The following NOS1AP variants were observed in gnomAD, a reference collection of about 807,000 sequenced individuals.
The protein encoded by NOS1AP is nitric oxide synthase 1 adaptor protein.
A neutral mutation model predicts 56.2 loss-of-function variants in NOS1AP; 21 were observed. That is an observed-to-expected ratio of 0.37 (90% CI 0.26 to 0.54). The LOEUF is 0.54. Among genes scored for constraint, NOS1AP ranks in the 20% least tolerant of loss-of-function variants. The pLI, the probability that NOS1AP is intolerant of heterozygous loss-of-function variation, is 0.84. For missense variants in NOS1AP, 522 were observed against 657.8 expected (o/e 0.79, Z 2.26); for synonymous variants, 270 against 274.6 (o/e 0.98, Z 0.17).
At chr1:162,352,195 G>A (rs562276047) in intron 6 of NOS1AP, among the ~76,000 whole-genome samples, 1 of 152,112 alleles carries the variant, frequency 6.6e-6, no homozygotes, top group East Asian at 1.9e-4. Flanking sequence ...AAGCAGCTGG[G>A]ATTACAGGCA....
chr1:162,172,956 C>A lies in NOS1AP; in HGVS notation c.177+18480C>A, dbSNP rs1041332028. ...TTTTTTTTTGTGATGGGGTCTCAGT[C>A]TGTCACCCAGGCTGGAGTGTAGTGG... On this transcript the variant is annotated intron_variant, in intron 2 of 9. Coordinates refer to ENST00000361897, the MANE Select transcript of NOS1AP (RefSeq NM_014697.3). 7.3e-5 allele frequency among the ~76,000 whole-genome samples: 11 copies of A among 150,840 alleles called. 1 individual carries two copies. The highest frequency in any genetic ancestry group is 2.7e-4 in the African/African-American group (11 of 41,052).
intron 1 of NOS1AP, among the ~76,000 whole-genome samples, chr1:162,102,739 T>C (rs1475635927): frequency 2.0e-5 from 3 of 152,174 alleles, no homozygotes; most frequent in Non-Finnish European, 4.4e-5. Flanking sequence ...GTTTATAGTA[T>C]TCTCTGATGG....
intron 8 of NOS1AP, among the ~76,000 whole-genome samples, chr1:162,359,169 C>G (rs1235697812): frequency 6.6e-6 from 1 of 152,158 alleles, no homozygotes; most frequent in East Asian, 1.9e-4. Context: ...ACAGGCTGAG[C>G]ACCCTTAGCC....
rs1658064032 is a variant in NOS1AP, at chr1:162,365,680, T to C, written c.1105+111T>C. ...CTTGGACCCCTGACCTACCCCTATATTCCAGCAGAAAACATAGGCAGCTTT... is the reference window on the plus strand; with the variant it reads ...CTTGGACCCCTGACCTACCCCTATACTCCAGCAGAAAACATAGGCAGCTTT... On this transcript the variant is annotated intron_variant, in intron 9 of 9. Coordinates refer to ENST00000361897, the MANE Select transcript of NOS1AP (RefSeq NM_014697.3). 3 of 1,328,826 alleles carry C rather than the reference T, an allele frequency of 2.3e-6. No homozygotes were observed. The East Asian group carries it at 7.3e-5, about 32-fold the overall frequency. 82.3% of individuals were successfully genotyped at this position (1,328,826 alleles called of 1,614,324 possible).
At chr1:162,243,705 T>C (rs10399680) in intron 2 of NOS1AP, among the ~76,000 whole-genome samples, 48,322 of 152,050 alleles carry the variant, frequency 0.32, 8,003 homozygotes, top group East Asian at 0.52. Context: ...CTTCCTTAAT[T>C]AATGTTTCTA....
chr1:162,155,289 C>T (rs60123461), intron 2 of NOS1AP, among the ~76,000 whole-genome samples: 140,055 of 141,990 alleles, frequency 0.99, 69,098 homozygotes, highest in Non-Finnish European at 1. Context: ...CACATATATA[C>T]ATATATATGT....
intron 2 of NOS1AP, among the ~76,000 whole-genome samples, chr1:162,159,493 T>C (rs1021717858): frequency 2.0e-5 from 3 of 152,210 alleles, no homozygotes; most frequent in African/African-American, 7.2e-5. Flanking sequence ...TAAATGCAGA[T>C]AAATACCCTG....
intron 2 of NOS1AP, among the ~76,000 whole-genome samples, chr1:162,191,963 T>G (rs1251545705): frequency 6.6e-6 from 1 of 152,150 alleles, no homozygotes; most frequent in East Asian, 1.9e-4. Context: ...GGAGTGGTTG[T>G]CCCCTGGAAG....
intron 1 of NOS1AP, among the ~76,000 whole-genome samples, chr1:162,106,072 G>A (rs1571014999): frequency 6.6e-6 from 1 of 152,292 alleles, no homozygotes; most frequent in Admixed American, 6.5e-5. Context: ...GCTCTGCTGA[G>A]ATTCCACACA....
At chr1:162,080,367 C>T (rs1691858285) in intron 1 of NOS1AP, among the ~76,000 whole-genome samples, 1 of 152,102 alleles carries the variant, frequency 6.6e-6, no homozygotes, top group African/African-American at 2.4e-5. Flanking sequence ...ATGGTCCATC[C>T]ATGAAAACTG....
chr1:162,217,267 C>CTTGTTTTTTTTTTTTTTTTTTTTT, intron 2 of NOS1AP, among the ~76,000 whole-genome samples: 1 of 68,368 alleles, frequency 1.5e-5, no homozygotes, highest in Non-Finnish European at 2.6e-5. Context: ...CTGTTGTTAG[C>CTTGTTTTTTTTTTTTTTTTTTTTT]TTTTTTTTTT....
At chr1:162,155,599 G>A (rs1368650645) in intron 2 of NOS1AP, among the ~76,000 whole-genome samples, 1 of 152,014 alleles carries the variant, frequency 6.6e-6, no homozygotes, top group East Asian at 1.9e-4. Flanking sequence ...GTCTACTTTC[G>A]GAAAGTTCAC....
At chr1:162,103,472 G>T (rs1328778031) in intron 1 of NOS1AP, among the ~76,000 whole-genome samples, 1 of 151,960 alleles carries the variant, frequency 6.6e-6, no homozygotes, top group African/African-American at 2.4e-5. Context: ...GCTGAGTTCA[G>T]GTTCTGAATA....
At chr1:162,329,505 G>T (rs1656697889) in intron 4 of NOS1AP, among the ~76,000 whole-genome samples, 1 of 152,152 alleles carries the variant, frequency 6.6e-6, no homozygotes, top group South Asian at 2.1e-4. Context: ...TGGGAAAATT[G>T]ACTAAGGTAC....
At chr1:162,233,306 G>A (rs895674341) in intron 2 of NOS1AP, among the ~76,000 whole-genome samples, 5 of 152,170 alleles carry the variant, frequency 3.3e-5, no homozygotes, top group African/African-American at 1.2e-4. Context: ...CCCAATGCCT[G>A]TGGCTCTTGC....
chr1:162,134,781 A>G (rs1042254723), intron 1 of NOS1AP, among the ~76,000 whole-genome samples: 1 of 152,064 alleles, frequency 6.6e-6, no homozygotes, highest in African/African-American at 2.4e-5. Flanking sequence ...TCTATCATCC[A>G]TGAAGCAGCC....
chr1:162,074,051 T>C (rs1691719828), intron 1 of NOS1AP, among the ~76,000 whole-genome samples: 1 of 152,228 alleles, frequency 6.6e-6, no homozygotes, highest in African/African-American at 2.4e-5. Context: ...ATAATAGTTA[T>C]ATCTTATATC....
Position 162,370,444 on chromosome 1 carries a change from G to C in NOS1AP, c.*2977G>C. ...CCCTGGATGTTGTCACTAGTCTAGT[G>C]GCTTTTGCTAAATAAACCTTTCTTA... On this transcript the variant is annotated 3_prime_UTR_variant, in exon 10 of 10. Transcript: ENST00000361897. 6.6e-6 allele frequency: 1 copy of C among 152,148 alleles called. No homozygotes were observed. Among genetic ancestry groups the C allele is most frequent in the East Asian group, 1.9e-4 (1 of 5,190 alleles). The allele number at this position is 152,148 out of a possible 1,614,324, so 9.4% of individuals were successfully genotyped here. A position where few individuals can be genotyped will look rare whatever the true frequency, so the allele number is the denominator to read the frequency against.
At chr1:162,122,415 G>A (rs1403692351) in intron 1 of NOS1AP, among the ~76,000 whole-genome samples, 1 of 152,110 alleles carries the variant, frequency 6.6e-6, no homozygotes, top group Non-Finnish European at 1.5e-5. Flanking sequence ...TGCTACGCAT[G>A]TAGTAGGTCT....
Sources: gnomAD v4.1 joint callset for allele counts (sites outside exome capture counted in the v4.1 genomes callset) on GRCh38, gnomAD v4.1.1 for gene constraint, MANE v1.5 for transcripts, NCBI Gene and HGNC (gene_info 2026-07-23, HGNC 2026-07-21) for gene names.